Variants in PLBD1 observed in about 807,000 individuals in gnomAD.
PLBD1 encodes phospholipase B domain containing 1, also known as lysosomal leucine aminopeptidase.
PLBD1 carries 60 observed loss-of-function variants against 63.0 expected under a neutral mutation model. The ratio of observed to expected loss-of-function variants is 0.95; its 90% CI spans 0.77 to 1.18. The LOEUF (loss-of-function observed/expected upper bound fraction) is 1.18, where lower values mean the gene tolerates loss of function less well. Among genes scored for constraint, PLBD1 ranks in the 50% most tolerant of loss-of-function variants. The pLI is 0.00. For missense variants in PLBD1, 598 were observed against 677.9 expected (o/e 0.88, Z 1.31); for synonymous variants, 262 against 248.0 (o/e 1.06, Z -0.53).
intron 9 of PLBD1, 62 bp from the exon 10 acceptor site, chr12:14,506,330 G>T: frequency 8.0e-7 from 1 of 1,253,554 alleles, no homozygotes; most frequent in Non-Finnish European, 1.2e-6. Flanking sequence ...CTTCTCCACA[G>T]TAAGGTTTTG....
chr12:14,567,737 C>A lies in PLBD1; in HGVS notation c.-41G>T. ...ACCTTCCTCTGCGGGATCAGGCGGC[C>A]GCGGTGGCCCGCGGTGGCAGAAGTT... On this transcript the variant is annotated 5_prime_UTR_variant, in exon 1 of 11. Coordinates refer to ENST00000240617, the MANE Select transcript of PLBD1 (RefSeq NM_024829.6). The A allele has an allele frequency of 7.2e-7, 1 of 1,382,896 alleles. No homozygotes were observed. Among genetic ancestry groups the A allele is most frequent in the South Asian group, 1.6e-5 (1 of 60,804 alleles). The allele number at this position is 1,382,896 out of a possible 1,614,324, so 85.7% of individuals were successfully genotyped here. A position where few individuals can be genotyped will look rare whatever the true frequency, so the allele number is the denominator to read the frequency against.
chr12:14,556,093 C>T (rs186180089), intron 1 of PLBD1, among the ~76,000 whole-genome samples: 1 of 152,264 alleles, frequency 6.6e-6, no homozygotes, highest in Admixed American at 6.5e-5. Flanking sequence ...TCTGAGAAGC[C>T]ATTACACATG....
chr12:14,515,995 C>T (rs1221840789), intron 6 of PLBD1, among the ~76,000 whole-genome samples: 1 of 151,490 alleles, frequency 6.6e-6, no homozygotes, highest in Non-Finnish European at 1.5e-5. Flanking sequence ...GTTGAATTGG[C>T]CACTGCACTC....
intron 6 of PLBD1, among the ~76,000 whole-genome samples, chr12:14,525,420 C>A (rs11833864): frequency 0.011 from 1,655 of 152,034 alleles, 21 homozygotes; most frequent in African/African-American, 0.038. Context: ...AAATGTTTAG[C>A]ATCTGATGGA....
In PLBD1 at chr12:14,524,027, G is replaced by T. The variant is rs1224348693; in HGVS notation, c.844+11632C>A. Reference sequence around the variant, plus strand: ...GTAGCAATGTGGATGAGCCCTGAGGGCATTATGTTAAATGAAATAAGCCAG... The same window carrying T: ...GTAGCAATGTGGATGAGCCCTGAGGTCATTATGTTAAATGAAATAAGCCAG... On this transcript the variant is annotated intron_variant, in intron 6 of 10. Transcript: ENST00000240617. 2.6e-5 allele frequency among the ~76,000 whole-genome samples: 4 copies of T among 152,012 alleles called. No individual in the cohort carries two copies. The South Asian group carries it at 6.2e-4, about 24-fold the overall frequency.
At position 14,507,099 on chromosome 12, in the gene PLBD1, A is replaced by G; in HGVS notation, c.1206T>C (p.Asn402=). ...VLRKGYWPSY[N]VPFHEKIYNW... is the part of the protein sequence containing the mutation. Reference sequence around the variant, plus strand: ...TGTAGATTTTTTCATGGAAAGGAACATTGTAGGAGGGCCAATATCCTGATT... The same window carrying G: ...TGTAGATTTTTTCATGGAAAGGAACGTTGTAGGAGGGCCAATATCCTGATT... Residue 402 remains asparagine (N), a synonymous_variant, in exon 9 of 11, where the codon AAT becomes AAC. Transcript: ENST00000240617. 1 of 1,610,138 alleles carries G rather than the reference A, an allele frequency of 6.2e-7. No individual in the cohort carries two copies. Among genetic ancestry groups the G allele is most frequent in the Non-Finnish European group, 8.5e-7 (1 of 1,176,926 alleles).
At chr12:14,527,761 A>T (rs1188136800) in intron 6 of PLBD1, among the ~76,000 whole-genome samples, 3 of 152,126 alleles carry the variant, frequency 2.0e-5, no homozygotes, top group African/African-American at 7.2e-5. Flanking sequence ...TCTGACATTT[A>T]TAACAGATAC....
chr12:14,511,275 C>G lies in PLBD1; in HGVS notation c.1171G>C (p.Asp391His), dbSNP rs1344633999. 8.1e-6 allele frequency: 13 copies of G among 1,595,690 alleles called. No homozygotes were observed. The highest frequency in any genetic ancestry group is 1.1e-5 in the Non-Finnish European group (13 of 1,173,836). ...AAGAAAGTACCTTTCCGTAGAACATCAGTTTGTTCAGAATATTCTACATAT... is the reference window on the plus strand; with the variant it reads ...AAGAAAGTACCTTTCCGTAGAACATGAGTTTGTTCAGAATATTCTACATAT... ...PTYVEYSEQT[D>H]VLRKGYWPSY... The change falls in exon 8 of 11, where the codon GAT (aspartate) becomes CAT (histidine). Residue 391 changes from aspartate (D) to histidine (H), a missense_variant. Coordinates refer to ENST00000240617, the MANE Select transcript of PLBD1 (RefSeq NM_024829.6).
At chr12:14,511,743 A>T (rs746447959) in intron 6 of PLBD1, 32 bp from the exon 7 acceptor site, 33 of 1,551,688 alleles carry the variant, frequency 2.1e-5, no homozygotes, top group African/African-American at 1.9e-4. Context: ...ACATCAGCAT[A>T]TGTATACATG....
intron 6 of PLBD1, among the ~76,000 whole-genome samples, chr12:14,526,704 G>A (rs1229397889): frequency 6.6e-6 from 1 of 152,214 alleles, no homozygotes; most frequent in African/African-American, 2.4e-5. Context: ...CGGGCATGGT[G>A]GGTCACGTCT....
chr12:14,527,012 C>A (rs562013424), intron 6 of PLBD1, among the ~76,000 whole-genome samples: 2 of 152,032 alleles, frequency 1.3e-5, no homozygotes, highest in South Asian at 4.1e-4. Context: ...CATACACATA[C>A]GCCTTCAGAC....
chr12:14,540,486 A>C (rs187208368), intron 4 of PLBD1, among the ~76,000 whole-genome samples: 6 of 152,206 alleles, frequency 3.9e-5, no homozygotes, highest in African/African-American at 1.2e-4. Flanking sequence ...ATTAGCTAAA[A>C]ACCCAGTACA....
chr12:14,534,624 A>G (rs1344127782), intron 6 of PLBD1, among the ~76,000 whole-genome samples: 1 of 150,782 alleles, frequency 6.6e-6, no homozygotes, highest in African/African-American at 2.4e-5. Context: ...GCTCACTGCA[A>G]GCTCCGCCTC....
rs536473852 is a variant in PLBD1 at position 14,565,472 on chromosome 12, T to TA, written c.115+2109dup. Among the ~76,000 whole-genome samples the TA allele has an allele frequency of 3.5e-3, 458 of 130,822 alleles. 11 individuals are homozygous for TA. The East Asian group carries it at 0.053, about 15-fold the overall frequency. The allele number at this position is 130,822 out of a possible 152,430, so 85.8% of individuals were successfully genotyped here. A position where few individuals can be genotyped will look rare whatever the true frequency, so the allele number is the denominator to read the frequency against. Reference sequence around the variant, plus strand: ...AAATAAAAATAATAGGAAATAATAGTAAAAAAAAAAAAAAGTAAAATTAAA... The same window carrying TA: ...AAATAAAAATAATAGGAAATAATAGTAAAAAAAAAAAAAAAGTAAAATTAAA... On this transcript the variant is annotated intron_variant, in intron 1 of 10. Coordinates refer to ENST00000240617, the MANE Select transcript of PLBD1 (RefSeq NM_024829.6).
chr12:14,538,392 C>T (rs1376223300), intron 4 of PLBD1, among the ~76,000 whole-genome samples: 1 of 152,030 alleles, frequency 6.6e-6, no homozygotes, highest in Non-Finnish European at 1.5e-5. Flanking sequence ...TGGGGTTTCA[C>T]CATGTTGGCT....
intron 2 of PLBD1, among the ~76,000 whole-genome samples, chr12:14,551,221 G>T (rs550764280): frequency 1.8e-4 from 28 of 151,960 alleles, no homozygotes; most frequent in Middle Eastern, 6.8e-3. Flanking sequence ...AAATTAGCTG[G>T]GTATGGTGGC....
chr12:14,514,309 T>C (rs1382222543), intron 6 of PLBD1, among the ~76,000 whole-genome samples: 1 of 152,190 alleles, frequency 6.6e-6, no homozygotes, highest in Non-Finnish European at 1.5e-5. Context: ...TTTCAAACTG[T>C]ACAACCATAC....
At chr12:14,564,082 AT>A (rs567962868) in intron 1 of PLBD1, among the ~76,000 whole-genome samples, 6 of 149,112 alleles carry the variant, frequency 4.0e-5, no homozygotes, top group South Asian at 2.1e-4. Flanking sequence ...TCTACAAATA[AT>A]TTTTTTTTTT....
chr12:14,527,206 A>T (rs1945423508), intron 6 of PLBD1, among the ~76,000 whole-genome samples: 1 of 151,942 alleles, frequency 6.6e-6, no homozygotes, highest in African/African-American at 2.4e-5. Context: ...GCAGATATTA[A>T]TTTTTTTTCA....
Sources: allele counts gnomAD v4.1 joint callset (sites outside exome capture counted in the v4.1 genomes callset), GRCh38; gene constraint gnomAD v4.1.1; transcripts MANE v1.5; gene names NCBI Gene and HGNC (gene_info 2026-07-23, HGNC 2026-07-21).